Variants in CCNB2 observed in about 807,000 individuals in gnomAD.
CCNB2 encodes the protein G2/mitotic-specific cyclin-B2.
Under a neutral mutation model 51.1 loss-of-function variants are expected in CCNB2, and 39 were observed. The ratio of observed to expected loss-of-function variants is 0.76; its 90% confidence interval spans 0.59 to 1.00. The LOEUF is 1.00. Ranked by LOEUF, CCNB2 falls within the 50% of genes least tolerant of loss-of-function variation. The probability of loss-of-function intolerance (pLI) is 0.00; values close to 1 mark genes in which losing one functional copy is unlikely to be tolerated. For missense variants in CCNB2, 472 were observed against 470.3 expected, an observed-to-expected ratio of 1.00 and a Z score of -0.03; for synonymous variants, 174 against 165.5, an observed-to-expected ratio of 1.05 and a Z score of -0.40.
intron 3 of CCNB2, among the ~76,000 whole-genome samples, chr15:59,109,752 C>G (rs1486195965): frequency 6.6e-6 from 1 of 152,086 alleles, no homozygotes; most frequent in African/African-American, 2.4e-5. Context: ...TTTGGGAGGC[C>G]GAGGCGGGCG....
At chr15:59,120,155 G>A (rs569188114) in intron 7 of CCNB2, among the ~76,000 whole-genome samples, 2 of 152,316 alleles carry the variant, frequency 1.3e-5, no homozygotes, top group African/African-American at 4.8e-5. Flanking sequence ...CAACTCAGTA[G>A]TAGTGAGCAT....
intron 7 of CCNB2, chr15:59,121,182 G>A (rs183360446): frequency 1.1e-4 from 16 of 152,334 alleles, no homozygotes; most frequent in Non-Finnish European, 1.6e-4. Context: ...AAATGGCATA[G>A]CAAAAATTGT....
chr15:59,113,631 C>T (rs1412808369), intron 3 of CCNB2, among the ~76,000 whole-genome samples: 1 of 151,998 alleles, frequency 6.6e-6, no homozygotes, highest in African/African-American at 2.4e-5. Context: ...CACATATTAA[C>T]TATAGAATTT....
intron 7 of CCNB2, among the ~76,000 whole-genome samples, chr15:59,120,289 C>T (rs1408674814): frequency 2.0e-5 from 3 of 152,014 alleles, no homozygotes; most frequent in Non-Finnish European, 4.4e-5. Flanking sequence ...ACAATTTGTG[C>T]CAGATAGCAC....
intron 7 of CCNB2, among the ~76,000 whole-genome samples, chr15:59,122,727 G>T (rs886841699): frequency 6.6e-6 from 1 of 151,364 alleles, no homozygotes; most frequent in Non-Finnish European, 1.5e-5. Flanking sequence ...ATAGAGATAG[G>T]GTCTCCCAAT....
Position 59,107,469 on chromosome 15 carries a change from G to A in CCNB2, c.153+19G>A, listed in dbSNP as rs779694436. 3 of 1,613,990 alleles carry A rather than the reference G, an allele frequency of 1.9e-6. No homozygotes were observed. Among genetic ancestry groups the A allele is most frequent in the Middle Eastern group, 3.3e-4 (2 of 6,062 alleles). On this transcript the variant is annotated intron_variant, in intron 2 of 8. Coordinates refer to ENST00000288207, the MANE Select transcript of CCNB2 (RefSeq NM_004701.4). ...AGCTAAGGTAACAATGATGAAGACT[G>A]AATGTGAATACAGAGGCCGATTCTG...
chr15:59,124,841 C>CAAAG lies in CCNB2; in HGVS notation c.1163_1166dup (p.Asp389GlufsTer45), dbSNP rs1297555303. On this transcript the variant is annotated frameshift_variant, in exon 9 of 9. Coordinates refer to ENST00000288207, the MANE Select transcript of CCNB2 (RefSeq NM_004701.4). LOFTEE classifies it high-confidence loss of function. ...TCCCTCAGCTGAACTCAAAAGCCGT[C>CAAAG]AAAGACCTTGCCTCCCCACTGATAG... 5 of 1,606,492 alleles carry CAAAG rather than the reference C, an allele frequency of 3.1e-6. No homozygotes were observed. The highest frequency in any genetic ancestry group is 4.3e-6 in the Non-Finnish European group (5 of 1,176,390).
chr15:59,109,981 T>G (rs1253866754), intron 3 of CCNB2, among the ~76,000 whole-genome samples: 1 of 151,942 alleles, frequency 6.6e-6, no homozygotes, highest in Non-Finnish European at 1.5e-5. Flanking sequence ...CGAGACTCTG[T>G]CTCAAAAAAC....
At chr15:59,115,010 G>A in intron 5 of CCNB2, 134 bp downstream of exon 5, 1 of 963,612 alleles carries the variant, frequency 1.0e-6, no homozygotes, top group Non-Finnish European at 1.6e-6. Context: ...AAGAACTTTG[G>A]GGACTAAAAA....
intron 7 of CCNB2, among the ~76,000 whole-genome samples, chr15:59,117,706 C>T (rs1352734742): frequency 2.0e-5 from 3 of 152,144 alleles, no homozygotes; most frequent in African/African-American, 7.2e-5. Flanking sequence ...TCGGCTCAAG[C>T]AGTCTGCCCA....
At chr15:59,121,931 C>CAAAAAAAA (rs3052992) in intron 7 of CCNB2, among the ~76,000 whole-genome samples, 4 of 14,108 alleles carry the variant, frequency 2.8e-4, no homozygotes, top group African/African-American at 7.5e-4. Flanking sequence ...GACTCTGTCT[C>CAAAAAAAA]AAAAAAAAAA....
chr15:59,107,202 C>T lies in CCNB2; in HGVS notation c.25-120C>T, dbSNP rs117466920. 6.8e-3 allele frequency: 5,934 copies of T among 877,774 alleles called. 30 individuals are homozygous for T. Among genetic ancestry groups the T allele is most frequent in the Non-Finnish European group, 7.4e-3 (4,317 of 585,998 alleles). 54.4% of individuals were successfully genotyped at this position (877,774 alleles called of 1,614,324 possible). ...ACTTCCTGAAATGTACCTTTTCCAT[C>T]TTGCAAATAGATCTTGACGTATTGT... On this transcript the variant is annotated intron_variant, in intron 1 of 8. Coordinates refer to ENST00000288207, the MANE Select transcript of CCNB2 (RefSeq NM_004701.4).
Position 59,122,794 on chromosome 15 carries a change from C to T in CCNB2, c.976-723C>T, listed in dbSNP as rs144702271. On this transcript the variant is annotated intron_variant, in intron 7 of 8. Coordinates refer to ENST00000288207, the MANE Select transcript of CCNB2 (RefSeq NM_004701.4). ...CAAGCGATCTTCTTGCCTTGGCCTC[C>T]GAAAGTGCTGGGATTATAGGCGTGA... is the stretch of plus-strand genomic sequence containing the variant. Among the ~76,000 whole-genome samples, 9 of 152,178 alleles carry T rather than the reference C, an allele frequency of 5.9e-5. No individual in the cohort carries two copies. The East Asian group carries it at 1.5e-3, about 26-fold the overall frequency.
chr15:59,123,914 G>A (rs1373872660), intron 8 of CCNB2: 2 of 293,640 alleles, frequency 6.8e-6, no homozygotes, highest in African/African-American at 4.3e-5. Context: ...ATTACTCTGT[G>A]CTTATACTAG....
At chr15:59,119,113 T>C (rs986113859) in intron 7 of CCNB2, among the ~76,000 whole-genome samples, 30 of 152,220 alleles carry the variant, frequency 2.0e-4, no homozygotes, top group African/African-American at 6.0e-4. Flanking sequence ...GACTTTATAA[T>C]ACAGTGTAAC....
intron 3 of CCNB2, among the ~76,000 whole-genome samples, chr15:59,108,347 G>A (rs1465481288): frequency 2.6e-5 from 4 of 152,194 alleles, no homozygotes; most frequent in African/African-American, 9.6e-5. Flanking sequence ...TAGGCTTGAG[G>A]AAACAAAGTT....
At chr15:59,105,411 G>C (rs1395625578) in intron 1 of CCNB2, 119 bp downstream of exon 1, 1 of 1,130,404 alleles carries the variant, frequency 8.8e-7, no homozygotes, top group Non-Finnish European at 1.3e-6. Context: ...TCTCTTCTCC[G>C]GAGCTCACTG....
chr15:59,109,131 A>G (rs1013673552), intron 3 of CCNB2, among the ~76,000 whole-genome samples: 2 of 151,970 alleles, frequency 1.3e-5, no homozygotes, highest in Non-Finnish European at 2.9e-5. Context: ...GCTAACTGCA[A>G]CCTCCGCCTC....
At chr15:59,108,792 A>G (rs1223223549) in intron 3 of CCNB2, among the ~76,000 whole-genome samples, 1 of 152,160 alleles carries the variant, frequency 6.6e-6, no homozygotes, top group East Asian at 1.9e-4. Context: ...CAAGGAACAG[A>G]TTTGTCAGCT....
Sources: allele counts gnomAD v4.1 joint callset (sites outside exome capture counted in the v4.1 genomes callset), GRCh38; gene constraint gnomAD v4.1.1; transcripts MANE v1.5; gene names NCBI Gene and HGNC (gene_info 2026-07-23, HGNC 2026-07-21).